BTBD7: variants seen among roughly 807,000 people sequenced by gnomAD.
BTBD7 encodes BTB/POZ domain-containing protein 7.
Under a neutral mutation model 99.9 loss-of-function variants are expected in BTBD7, and 38 were observed. The ratio of observed to expected loss-of-function variants is 0.38; its 90% CI spans 0.29 to 0.50. The LOEUF is 0.50. Among genes scored for constraint, BTBD7 ranks in the 20% least tolerant of loss-of-function variants. The pLI is 0.93. For missense variants in BTBD7, 1,170 were observed against 1,394.6 expected (o/e 0.84, Z 2.57); for synonymous variants, 520 against 511.4 (o/e 1.02, Z -0.23).
intron 1 of BTBD7, among the ~76,000 whole-genome samples, chr14:93,327,204 T>TA (rs1420904499): frequency 2.0e-5 from 3 of 152,206 alleles, no homozygotes; most frequent in Non-Finnish European, 2.9e-5. Flanking sequence ...TTATTTCCAT[T>TA]AAAAAATTAT....
In BTBD7 at chr14:93,242,318, C is replaced by T. The variant is rs151255842; in HGVS notation, c.3354G>A (p.Arg1118=). 2.8e-5 allele frequency: 45 copies of T among 1,614,008 alleles called. No homozygotes were observed. Among genetic ancestry groups the T allele is most frequent in the Non-Finnish European group, 3.8e-5 (45 of 1,179,928 alleles). ...EREDSISRGR[R]SPSKPDFLYK... ...AGAGGAAGTCCGGCTTGCTTGGTGA[C>T]CTCCTTCCTCTGCTTATTGAATCTT... The change falls in exon 11 of 11, where the codon AGG becomes AGA. Residue 1118 remains arginine, a synonymous_variant. Coordinates refer to ENST00000334746, the MANE Select transcript of BTBD7 (RefSeq NM_001002860.4).
chr14:93,286,706 G>A (rs538503937), intron 3 of BTBD7, among the ~76,000 whole-genome samples: 4 of 152,224 alleles, frequency 2.6e-5, no homozygotes, highest in African/African-American at 9.6e-5. Context: ...TTACAGCTTC[G>A]TGACTTCCAA....
At chr14:93,318,530 T>C (rs1432494179) in intron 1 of BTBD7, among the ~76,000 whole-genome samples, 2 of 152,188 alleles carry the variant, frequency 1.3e-5, no homozygotes, top group Non-Finnish European at 2.9e-5. Context: ...ATTAAATCCA[T>C]TTCCTAAAGA....
At chr14:93,246,317 C>T (rs1453264725) in intron 9 of BTBD7, 31 bp from the exon 10 acceptor site, 1 of 1,426,318 alleles carries the variant, frequency 7.0e-7, no homozygotes, top group East Asian at 2.4e-5. Context: ...AAAAAAAGGA[C>T]ATTTATTAGC....
At chr14:93,252,663 C>T (rs2052382568) in intron 7 of BTBD7, among the ~76,000 whole-genome samples, 2 of 151,986 alleles carry the variant, frequency 1.3e-5, no homozygotes, top group South Asian at 4.2e-4. Flanking sequence ...GTGTAAGCCA[C>T]CATGCCTGGT....
intron 1 of BTBD7, among the ~76,000 whole-genome samples, chr14:93,331,370 C>G (rs1188476638): frequency 1.3e-5 from 2 of 152,182 alleles, no homozygotes; most frequent in Non-Finnish European, 2.9e-5. Flanking sequence ...TCACTCGCCT[C>G]TCTGGGTCTG....
chr14:93,262,403 A>AT (rs954174419), intron 4 of BTBD7, among the ~76,000 whole-genome samples: 8 of 151,266 alleles, frequency 5.3e-5, no homozygotes, highest in African/African-American at 1.2e-4. Flanking sequence ...AAAATGGCTA[A>AT]TTTTTTTTTA....
At chr14:93,272,888 G>A (rs940646005) in intron 3 of BTBD7, among the ~76,000 whole-genome samples, 12 of 152,122 alleles carry the variant, frequency 7.9e-5, no homozygotes, top group African/African-American at 2.9e-4. Context: ...TGTCTGCAGT[G>A]GTGATCAGCT....
rs1046380308 is a variant in BTBD7 at position 93,239,787 on chromosome 14, A to C, written c.*2486T>G. The C allele has an allele frequency of 1.3e-5, 2 of 152,546 alleles. No homozygotes were observed. Among genetic ancestry groups the C allele is most frequent in the Non-Finnish European group, 2.9e-5 (2 of 68,040 alleles). 9.4% of individuals were successfully genotyped at this position (152,546 alleles called of 1,614,324 possible). ...ATAATCTTAGGAATAGTGGCCACTT[A>C]CTTTTATATTTCAGGGATATGAGAG... On this transcript the variant is annotated 3_prime_UTR_variant, in exon 11 of 11. Coordinates refer to ENST00000334746, the MANE Select transcript of BTBD7 (RefSeq NM_001002860.4).
chr14:93,316,976 A>G (rs2053214385), intron 1 of BTBD7, among the ~76,000 whole-genome samples: 1 of 152,208 alleles, frequency 6.6e-6, no homozygotes, highest in Non-Finnish European at 1.5e-5. Flanking sequence ...AAAGGCTAAG[A>G]GTCCTGTAGT....
At chr14:93,328,337 C>T (rs1257086882) in intron 1 of BTBD7, among the ~76,000 whole-genome samples, 1 of 152,142 alleles carries the variant, frequency 6.6e-6, no homozygotes, top group East Asian at 1.9e-4. Flanking sequence ...AGTGGAGTCT[C>T]ACACTTCTTG....
At chr14:93,331,916 A>G (rs1019076893) in intron 1 of BTBD7, among the ~76,000 whole-genome samples, 1 of 149,842 alleles carries the variant, frequency 6.7e-6, no homozygotes, top group Admixed American at 6.6e-5. Context: ...GAAAAAGCTA[A>G]GTAATTCTGT....
At chr14:93,280,046 A>C (rs1767133754) in intron 3 of BTBD7, among the ~76,000 whole-genome samples, 1 of 152,194 alleles carries the variant, frequency 6.6e-6, no homozygotes, top group South Asian at 2.1e-4. Flanking sequence ...TGCCTCTAAA[A>C]ATTTGACATC....
chr14:93,329,822 T>G (rs558250748), intron 1 of BTBD7, among the ~76,000 whole-genome samples: 1 of 152,198 alleles, frequency 6.6e-6, no homozygotes, highest in Non-Finnish European at 1.5e-5. Context: ...TTTAGAAATA[T>G]GTAGTCATGA....
intron 8 of BTBD7, among the ~76,000 whole-genome samples, chr14:93,249,678 A>G (rs1424140817): frequency 6.6e-6 from 1 of 152,230 alleles, no homozygotes; most frequent in Non-Finnish European, 1.5e-5. Flanking sequence ...AGTTAAGTAG[A>G]TAGAAGCAAC....
At position 93,241,920 on chromosome 14, in the gene BTBD7, G is replaced by A; in HGVS notation, c.*353C>T. ...ATGAAAATACAGTCCTTTAAATGTG[G>A]CAATAAAGTTTAACATACTGATATA... is the stretch of plus-strand genomic sequence containing the variant. On this transcript the variant is annotated 3_prime_UTR_variant, in exon 11 of 11. Transcript: ENST00000334746. 3.6e-6 allele frequency: 1 copy of A among 281,270 alleles called. No individual in the cohort carries two copies. The highest frequency in any genetic ancestry group is 4.6e-5 in the Admixed American group (1 of 21,690). The allele number at this position is 281,270 out of a possible 1,614,324, so 17.4% of individuals were successfully genotyped here. A position where few individuals can be genotyped will look rare whatever the true frequency, so the allele number is the denominator to read the frequency against.
At position 93,241,413 on chromosome 14, in the gene BTBD7, G is replaced by C. The variant is rs1286947750; in HGVS notation, c.*860C>G. ...AGTGATCTGCCCGCCTCGGCCTTCC[G>C]AAGTGCCGATCACAGGTGTGAGTCA... On this transcript the variant is annotated 3_prime_UTR_variant, in exon 11 of 11. Transcript: ENST00000334746. 6.6e-6 allele frequency: 1 copy of C among 152,278 alleles called. No individual in the cohort carries two copies. Among genetic ancestry groups the C allele is most frequent in the Non-Finnish European group, 1.5e-5 (1 of 68,326 alleles). 9.4% of individuals were successfully genotyped at this position (152,278 alleles called of 1,614,324 possible).
At chr14:93,247,332 G>T (rs1026911863) in intron 9 of BTBD7, among the ~76,000 whole-genome samples, 35 of 129,552 alleles carry the variant, frequency 2.7e-4, no homozygotes, top group Non-Finnish European at 2.1e-4. Context: ...ATTCTTTTTT[G>T]TTTGTTTGTT....
At position 93,241,991 on chromosome 14, in the gene BTBD7, T is replaced by C. The variant is rs1408424620; in HGVS notation, c.*282A>G. ...AATGTACAAGTGCAAAAAAATTCCA[T>C]CATTTGTAAAGAGAAATAAAAAGTG... On this transcript the variant is annotated 3_prime_UTR_variant, in exon 11 of 11. Transcript: ENST00000334746. 3 of 438,576 alleles carry C rather than the reference T, an allele frequency of 6.8e-6. No individual in the cohort carries two copies. The highest frequency in any genetic ancestry group is 1.2e-5 in the Non-Finnish European group (3 of 249,422). 27.2% of individuals were successfully genotyped at this position (438,576 alleles called of 1,614,324 possible).
Sources: allele counts gnomAD v4.1 joint callset (sites outside exome capture counted in the v4.1 genomes callset), GRCh38; gene constraint gnomAD v4.1.1; transcripts MANE v1.5; gene names NCBI Gene and HGNC (gene_info 2026-07-23, HGNC 2026-07-21).